BNC2: variants seen among roughly 807,000 people sequenced by gnomAD.
BNC2 encodes the protein basonuclin zinc finger protein 2, also known as zinc finger protein basonuclin-2.
BNC2 carries 20 observed loss-of-function variants against 76.3 expected under a neutral mutation model. The ratio of observed to expected loss-of-function variants is 0.26; its 90% CI spans 0.18 to 0.38. The LOEUF (loss-of-function observed/expected upper bound fraction) is 0.38. BNC2 is among the 10% of genes least tolerant of loss of function. The pLI is 1.00. For missense variants in BNC2, 1,382 were observed against 1,399.8 expected (o/e 0.99, Z 0.20); for synonymous variants, 582 against 514.8 (o/e 1.13, Z -1.77).
chr9:16,666,453 TAA>T (rs60115174), intron 3 of BNC2, among the ~76,000 whole-genome samples: 15,933 of 152,202 alleles, frequency 0.1, 918 homozygotes, highest in South Asian at 0.17. Context: ...CGTGCTTCAT[TAA>T]AAGAGAGAAA....
intron 1 of BNC2, among the ~76,000 whole-genome samples, chr9:16,780,305 G>A (rs1232815928): frequency 3.3e-5 from 5 of 151,148 alleles, no homozygotes. Context: ...TGGGCTCGGT[G>A]GCTCACGCCT....
chr9:16,850,400 A>C (rs1229748018), intron 1 of BNC2, among the ~76,000 whole-genome samples: 1 of 152,226 alleles, frequency 6.6e-6, no homozygotes, highest in East Asian at 1.9e-4. Flanking sequence ...ATAGATTTAA[A>C]GAAGCTCCAT....
chr9:16,423,458 C>G (rs1029700709), intron 6 of BNC2, among the ~76,000 whole-genome samples: 4 of 152,164 alleles, frequency 2.6e-5, no homozygotes, highest in Non-Finnish European at 5.9e-5. Context: ...ATCATTAAGG[C>G]AGTGGTCCAA....
At chr9:16,427,496 G>A (rs530236688) in intron 6 of BNC2, among the ~76,000 whole-genome samples, 62 of 152,226 alleles carry the variant, frequency 4.1e-4, no homozygotes, top group Middle Eastern at 3.4e-3. Context: ...TAATTACTTC[G>A]TAATGTTTTA....
intron 5 of BNC2, among the ~76,000 whole-genome samples, chr9:16,469,585 T>C (rs903944690): frequency 1.3e-5 from 2 of 152,052 alleles, no homozygotes; most frequent in Admixed American, 1.3e-4. Flanking sequence ...ATACAGTAAA[T>C]TGGTACCAGT....
At chr9:16,617,527 GAAA>G (rs56667008) in intron 3 of BNC2, among the ~76,000 whole-genome samples, 41 of 138,036 alleles carry the variant, frequency 3.0e-4, no homozygotes, top group African/African-American at 8.3e-4. Flanking sequence ...ACAGATGGAG[GAAA>G]AAAAAAAAAA....
rs181775726 is a variant in BNC2 at position 16,622,393 on chromosome 9, G to T, written c.331-39308C>A. Among the ~76,000 whole-genome samples the T allele has an allele frequency of 2.0e-5, 3 of 152,268 alleles. No individual in the cohort carries two copies. In the East Asian group the frequency reaches 5.8e-4, roughly 29 times the overall value. ...TGTAGACAAACTTACTAATCATGAT[G>T]AATAAACCAAGATGACGTATCAAAT... is the stretch of plus-strand genomic sequence containing the variant. On this transcript the variant is annotated intron_variant, in intron 3 of 6. Coordinates refer to ENST00000380672, the MANE Select transcript of BNC2 (RefSeq NM_017637.6).
At chr9:16,767,274 A>G (rs866831993) in intron 1 of BNC2, among the ~76,000 whole-genome samples, 20 of 152,216 alleles carry the variant, frequency 1.3e-4, no homozygotes, top group African/African-American at 3.9e-4. Context: ...TGAGTATTAA[A>G]CTGAAATACT....
intron 3 of BNC2, among the ~76,000 whole-genome samples, chr9:16,671,828 A>C (rs937705389): frequency 6.6e-6 from 1 of 152,210 alleles, no homozygotes; most frequent in Non-Finnish European, 1.5e-5. Flanking sequence ...GCTTACAGAA[A>C]ACAGACCCAA....
At chr9:16,423,220 A>G (rs1031021656) in intron 6 of BNC2, among the ~76,000 whole-genome samples, 1 of 152,234 alleles carries the variant, frequency 6.6e-6, no homozygotes, top group African/African-American at 2.4e-5. Context: ...ATCTCTAGGA[A>G]AGAGGGAAGA....
chr9:16,746,908 G>C (rs962924314), intron 1 of BNC2, among the ~76,000 whole-genome samples: 1 of 150,728 alleles, frequency 6.6e-6, no homozygotes, highest in East Asian at 2.0e-4. Context: ...CTTGCAGTGA[G>C]CAGAGATTGC....
At chr9:16,716,520 CACA>C (rs1244246418) in intron 3 of BNC2, among the ~76,000 whole-genome samples, 1 of 152,090 alleles carries the variant, frequency 6.6e-6, no homozygotes, top group Non-Finnish European at 1.5e-5. Flanking sequence ...CCCAATCAAT[CACA>C]ACGACACAGC....
chr9:16,445,801 G>GT (rs1252227181), intron 5 of BNC2, among the ~76,000 whole-genome samples: 2 of 152,150 alleles, frequency 1.3e-5, no homozygotes, highest in East Asian at 1.9e-4. Flanking sequence ...TTGTCATGAA[G>GT]TAAGTATGCA....
At chr9:16,606,399 A>C (rs1820385706) in intron 3 of BNC2, among the ~76,000 whole-genome samples, 1 of 152,128 alleles carries the variant, frequency 6.6e-6, no homozygotes, top group Non-Finnish European at 1.5e-5. Flanking sequence ...TCCCCAACCA[A>C]ATCTCATCTT....
chr9:16,734,094 G>C (rs1313981736), intron 2 of BNC2, among the ~76,000 whole-genome samples: 2 of 152,142 alleles, frequency 1.3e-5, no homozygotes, highest in Admixed American at 1.3e-4. Context: ...AACCTGGACA[G>C]CTACTTTCCT....
At chr9:16,639,179 T>A (rs990705156) in intron 3 of BNC2, among the ~76,000 whole-genome samples, 2 of 152,178 alleles carry the variant, frequency 1.3e-5, no homozygotes, top group Admixed American at 6.5e-5. Flanking sequence ...AATAAAGTAT[T>A]CTTGGATGAC....
chr9:16,544,454 A>T (rs143430439), intron 5 of BNC2, among the ~76,000 whole-genome samples: 1 of 152,192 alleles, frequency 6.6e-6, no homozygotes. Context: ...CAGAGCTTGG[A>T]AAGTATTGGA....
chr9:16,829,484 T>C (rs1377701069), intron 1 of BNC2, among the ~76,000 whole-genome samples: 1 of 152,206 alleles, frequency 6.6e-6, no homozygotes, highest in Non-Finnish European at 1.5e-5. Context: ...GACAAGTGGG[T>C]TGGTTCCCTA....
At chr9:16,529,335 T>G (rs999901185) in intron 5 of BNC2, among the ~76,000 whole-genome samples, 26 of 152,148 alleles carry the variant, frequency 1.7e-4, no homozygotes, top group African/African-American at 6.0e-4. Context: ...AAAATATACA[T>G]AGAATGAATC....
Sources: allele counts gnomAD v4.1 joint callset (sites outside exome capture counted in the v4.1 genomes callset), GRCh38; gene constraint gnomAD v4.1.1; transcripts MANE v1.5; gene names NCBI Gene and HGNC (gene_info 2026-07-23, HGNC 2026-07-21).